Variants in TRIM5 observed in about 807,000 individuals in gnomAD.
TRIM5 encodes tripartite motif containing 5.
A neutral mutation model predicts 35.6 loss-of-function variants in TRIM5; 31 were observed. The ratio of observed to expected loss-of-function variants is 0.87; its 90% CI spans 0.65 to 1.18. TRIM5 has a LOEUF of 1.18. Ranked by LOEUF, TRIM5 falls within the 50% of genes most tolerant of loss-of-function variation. The pLI, the probability that TRIM5 is intolerant of heterozygous loss-of-function variation, is 0.00. For missense variants in TRIM5, 609 were observed against 591.6 expected, an observed-to-expected ratio of 1.03 and a Z score of -0.31; for synonymous variants, 243 against 215.6, an observed-to-expected ratio of 1.13 and a Z score of -1.11.
chr11:5,683,517 T>C (rs1475520707), intron 1 of TRIM5, among the ~76,000 whole-genome samples: 1 of 150,774 alleles, frequency 6.6e-6, no homozygotes. Context: ...GGAGAAACTT[T>C]ATGTCTAGCG....
chr11:5,672,665 C>T (rs551633288), intron 4 of TRIM5, among the ~76,000 whole-genome samples: 5 of 152,150 alleles, frequency 3.3e-5, no homozygotes, highest in Admixed American at 1.3e-4. Flanking sequence ...TAGTTTATTT[C>T]CCAAAGTATT....
At chr11:5,605,646 C>A in the TRIM5 span, 2 of 1,476,550 alleles carry the variant, frequency 1.4e-6, no homozygotes, top group Non-Finnish European at 9.0e-7. Context: ...GGACATCAGA[C>A]TACCATCGTT....
chr11:5,596,834 T>G, the TRIM5 span: 3 of 1,613,422 alleles, frequency 1.9e-6, no homozygotes, highest in Non-Finnish European at 2.5e-6. Flanking sequence ...CTTGGATTGC[T>G]CTGAAGAGCT....
chr11:5,667,738 TAAGA>T (rs746542201), intron 4 of TRIM5, 27 bp from the exon 5 acceptor site: 5 of 1,612,234 alleles, frequency 3.1e-6, no homozygotes, highest in Non-Finnish European at 3.4e-6. Context: ...AAACATCAAT[TAAGA>T]AAGAAAGAGT....
chr11:5,637,799 TG>T, the TRIM5 span, among the ~76,000 whole-genome samples: 1 of 152,254 alleles, frequency 6.6e-6, no homozygotes, highest in Admixed American at 6.5e-5. Context: ...TCTGTCTCTA[TG>T]ACTTTGCCTA....
rs3060972 is a variant in TRIM5 at position 5,670,170 on chromosome 11, C to CTTTTT, written c.745-2464_745-2460dup. 1.4e-3 allele frequency among the ~76,000 whole-genome samples: 84 copies of CTTTTT among 60,232 alleles called. 1 individual carries two copies. The highest frequency in any genetic ancestry group is 2.8e-3 in the African/African-American group (39 of 13,732). The allele number at this position is 60,232 out of a possible 152,430, so 39.5% of individuals were successfully genotyped here. ...TGTCTGTGTTGGATCAGATGCCCAT[C>CTTTTT]TTTTTTTTTTTTTTTTTTTTTTTTT... On this transcript the variant is annotated intron_variant, in intron 4 of 7. Coordinates refer to ENST00000380034, the MANE Select transcript of TRIM5 (RefSeq NM_033034.3).
chr11:5,616,197 C>G, the TRIM5 span, among the ~76,000 whole-genome samples: 1 of 106,454 alleles, frequency 9.4e-6, no homozygotes, highest in Non-Finnish European at 2.1e-5. Flanking sequence ...GTGATCCACC[C>G]GCCTCGGCCT....
chr11:5,643,052 A>C, the TRIM5 span: 3 of 1,297,856 alleles, frequency 2.3e-6, no homozygotes, highest in Non-Finnish European at 3.1e-6. Context: ...ATGTCACTAG[A>C]TAAACCTACT....
At chr11:5,592,914 C>CAAA in the TRIM5 span, among the ~76,000 whole-genome samples, 2 of 67,214 alleles carry the variant, frequency 3.0e-5, no homozygotes, top group African/African-American at 1.3e-4. Context: ...GAGATTGTCT[C>CAAA]AAAAAAAAAA....
chr11:5,659,571 A>G (rs2133996986), downstream of TRIM5, among the ~76,000 whole-genome samples: 1 of 152,334 alleles, frequency 6.6e-6, no homozygotes, highest in African/African-American at 2.4e-5. Context: ...TGTAGAATGT[A>G]TAACTGTAAT....
At chr11:5,622,559 G>C in the TRIM5 span, among the ~76,000 whole-genome samples, 12 of 151,540 alleles carry the variant, frequency 7.9e-5, no homozygotes, top group Admixed American at 7.9e-4. Flanking sequence ...CGGAGGTTGC[G>C]GTGAGCCAAG....
chr11:5,617,250 C>G, the TRIM5 span, among the ~76,000 whole-genome samples: 1,139 of 144,564 alleles, frequency 7.9e-3, 110 homozygotes, highest in African/African-American at 0.026. Flanking sequence ...GGAGAGAAAT[C>G]AAGATAGAAC....
chr11:5,613,524 A>C, the TRIM5 span, among the ~76,000 whole-genome samples: 1 of 152,180 alleles, frequency 6.6e-6, no homozygotes, highest in Admixed American at 6.5e-5. Context: ...TCTGCGTTTC[A>C]ATTGGAAGAG....
At chr11:5,655,714 A>C in the TRIM5 span, 1 of 985,096 alleles carries the variant, frequency 1.0e-6, no homozygotes, top group African/African-American at 1.7e-5. Flanking sequence ...CAAAAAAAGA[A>C]TAAGATAGAT....
At chr11:5,601,061 A>G in the TRIM5 span, among the ~76,000 whole-genome samples, 2 of 152,222 alleles carry the variant, frequency 1.3e-5, no homozygotes, top group African/African-American at 2.4e-5. Context: ...TAAGGTCTCA[A>G]CTGCCTTACC....
the TRIM5 span, among the ~76,000 whole-genome samples, chr11:5,598,312 A>C: frequency 6.6e-6 from 1 of 152,118 alleles, no homozygotes; most frequent in Non-Finnish European, 1.5e-5. Flanking sequence ...CCTCCTTCAC[A>C]ATTTCTTTCC....
the TRIM5 span, among the ~76,000 whole-genome samples, chr11:5,592,648 G>C: frequency 6.6e-6 from 1 of 152,104 alleles, no homozygotes. Flanking sequence ...CAGGCGTGGT[G>C]GCTCACACCT....
chr11:5,611,036 A>C, the TRIM5 span: 6 of 1,614,030 alleles, frequency 3.7e-6, no homozygotes, highest in African/African-American at 2.7e-5. Context: ...ATTTTGCTCA[A>C]AATCACAGTG....
At chr11:5,632,659 G>A in the TRIM5 span, 1 of 1,612,858 alleles carries the variant, frequency 6.2e-7, no homozygotes, top group Non-Finnish European at 8.5e-7. Flanking sequence ...CTTCTGTAAG[G>A]AGGATAGGAA....
Sources: gnomAD v4.1 joint callset for allele counts (sites outside exome capture counted in the v4.1 genomes callset) on GRCh38, gnomAD v4.1.1 for gene constraint, MANE v1.5 for transcripts, NCBI Gene and HGNC (gene_info 2026-07-23, HGNC 2026-07-21) for gene names.